LGR6: variants seen among roughly 807,000 people sequenced by gnomAD.
LGR6 encodes the protein leucine rich repeat containing G protein-coupled receptor 6, also known as leucine-rich repeat-containing G protein-coupled receptor 6.
In LGR6, 45 loss-of-function variants were observed where a neutral mutation model predicts 69.4. The ratio of observed to expected loss-of-function variants is 0.65; its 90% CI spans 0.51 to 0.83. The LOEUF is 0.83. Ranked by LOEUF, LGR6 falls within the 40% of genes least tolerant of loss-of-function variation. LGR6 has a pLI of 0.00. For missense variants in LGR6, 1,108 were observed against 1,246.7 expected, an observed-to-expected ratio of 0.89 and a Z score of 1.68; for synonymous variants, 538 against 555.0, an observed-to-expected ratio of 0.97 and a Z score of 0.43.
rs1304847142 is a variant in LGR6 at position 202,312,943 on chromosome 1, G to A, written c.1568-1859G>A. ...CAAAAGTGAATAAGAAAAAAAAAGTGTAAGGCCGGGCACGGTGGCTCACGC... is the reference window on the plus strand; with the variant it reads ...CAAAAGTGAATAAGAAAAAAAAAGTATAAGGCCGGGCACGGTGGCTCACGC... On this transcript the variant is annotated intron_variant, in intron 16 of 17. Coordinates refer to ENST00000367278, the MANE Select transcript of LGR6 (RefSeq NM_001017403.2). Among the ~76,000 whole-genome samples the A allele has an allele frequency of 3.3e-5, 5 of 152,176 alleles. No homozygotes were observed. In the East Asian group the frequency reaches 9.7e-4, roughly 29 times the overall value.
chr1:202,295,201 G>A (rs1667063491), intron 6 of LGR6, among the ~76,000 whole-genome samples: 1 of 151,732 alleles, frequency 6.6e-6, no homozygotes, highest in African/African-American at 2.4e-5. Flanking sequence ...GGTGGCACAC[G>A]CCTGTAATCC....
At chr1:202,252,826 G>A (rs1436165393) in intron 4 of LGR6, among the ~76,000 whole-genome samples, 1 of 152,214 alleles carries the variant, frequency 6.6e-6, no homozygotes, top group East Asian at 1.9e-4. Context: ...TCCTGAATCT[G>A]ACTGTGTCCA....
chr1:202,300,012 A>T (rs1221309423), intron 7 of LGR6, among the ~76,000 whole-genome samples: 1 of 152,096 alleles, frequency 6.6e-6, no homozygotes, highest in East Asian at 1.9e-4. Flanking sequence ...TCAGCGGCCC[A>T]TTCCGCACCT....
At chr1:202,202,120 G>A (rs1305974145) in intron 1 of LGR6, among the ~76,000 whole-genome samples, 5 of 152,136 alleles carry the variant, frequency 3.3e-5, no homozygotes, top group African/African-American at 1.2e-4. Context: ...CTGAAGACCA[G>A]AAGGACTTAA....
chr1:202,307,201 C>T (rs1653301729), intron 13 of LGR6, 129 bp from the exon 14 acceptor site: 3 of 900,456 alleles, frequency 3.3e-6, no homozygotes, highest in East Asian at 2.6e-5. Context: ...CAGGTACCTT[C>T]CCCAAAAGGC....
intron 6 of LGR6, among the ~76,000 whole-genome samples, chr1:202,285,090 T>G (rs1666299047): frequency 6.6e-6 from 1 of 152,244 alleles, no homozygotes; most frequent in Admixed American, 6.5e-5. Context: ...TATTGAATTC[T>G]GCCTTATAAT....
At chr1:202,194,701 G>T in intron 1 of LGR6, 2 of 207,622 alleles carry the variant, frequency 9.6e-6, no homozygotes, top group Non-Finnish European at 9.7e-6. Context: ...GGCCTTCGTG[G>T]GGGCGGGGGG....
intron 3 of LGR6, among the ~76,000 whole-genome samples, chr1:202,233,960 C>A (rs1200686235): frequency 1.3e-5 from 2 of 152,202 alleles, no homozygotes; most frequent in African/African-American, 4.8e-5. Context: ...TCAGGGCTGT[C>A]TGACTTCAGA....
rs1040783145 is a variant in LGR6 at position 202,271,785 on chromosome 1, G to A, written c.429-4521G>A. On this transcript the variant is annotated intron_variant, in intron 4 of 17. Coordinates refer to ENST00000367278, the MANE Select transcript of LGR6 (RefSeq NM_001017403.2). ...ATTGCACCATGGCACTCCAGCCTGG[G>A]CAATAAGAGTGAAACTCTGTCTCAA... Among the ~76,000 whole-genome samples, 16 of 136,454 alleles carry A rather than the reference G, an allele frequency of 1.2e-4. No homozygotes were observed. The Admixed American group carries it at 1.2e-3, about 11-fold the overall frequency. The allele number at this position is 136,454 out of a possible 152,430, so 89.5% of individuals were successfully genotyped here. A position where few individuals can be genotyped will look rare whatever the true frequency, so the allele number is the denominator to read the frequency against.
chr1:202,203,003 A>T (rs1269376267), intron 1 of LGR6, among the ~76,000 whole-genome samples: 1 of 152,054 alleles, frequency 6.6e-6, no homozygotes, highest in African/African-American at 2.4e-5. Flanking sequence ...GGACTCATGG[A>T]GGGGGAGGAG....
chr1:202,220,481 A>C (rs1571831950), intron 1 of LGR6, among the ~76,000 whole-genome samples: 1 of 150,680 alleles, frequency 6.6e-6, no homozygotes, highest in East Asian at 2.0e-4. Flanking sequence ...AGCCTCCCAA[A>C]GTGCTGGGAT....
intron 11 of LGR6, among the ~76,000 whole-genome samples, chr1:202,305,119 G>A (rs1013985348): frequency 9.9e-5 from 15 of 152,204 alleles, no homozygotes; most frequent in African/African-American, 2.9e-4. Context: ...GTGGACCAAC[G>A]CATAGTGTGT....
At chr1:202,242,674 TGAG>T (rs1162126020) in intron 4 of LGR6, among the ~76,000 whole-genome samples, 2 of 152,180 alleles carry the variant, frequency 1.3e-5, no homozygotes, top group African/African-American at 4.8e-5. Flanking sequence ...TGAGTTGAGA[TGAG>T]GAGGAAAGAC....
intron 1 of LGR6, among the ~76,000 whole-genome samples, chr1:202,216,134 C>T (rs1441215387): frequency 6.6e-6 from 1 of 152,190 alleles, no homozygotes; most frequent in Non-Finnish European, 1.5e-5. Flanking sequence ...GTTGAATAGA[C>T]AAATGGCTGC....
chr1:202,222,961 C>T (rs573524647), intron 1 of LGR6, among the ~76,000 whole-genome samples: 174 of 152,106 alleles, frequency 1.1e-3, no homozygotes, highest in Non-Finnish European at 1.8e-3. Context: ...AATAGCCAGG[C>T]GTGGTGGCAG....
chr1:202,276,202 G>A, intron 4 of LGR6, 104 bp from the exon 5 acceptor site: 1 of 840,190 alleles, frequency 1.2e-6, no homozygotes, highest in Admixed American at 2.3e-5. Context: ...TAGTCCCAGG[G>A]AGCCTCAAAG....
At chr1:202,264,024 C>T (rs1008657076) in intron 4 of LGR6, among the ~76,000 whole-genome samples, 16 of 151,780 alleles carry the variant, frequency 1.1e-4, no homozygotes, top group African/African-American at 3.4e-4. Flanking sequence ...AGTGGATGGA[C>T]GGATGGATGA....
intron 15 of LGR6, among the ~76,000 whole-genome samples, chr1:202,309,971 C>G (rs550890437): frequency 6.6e-6 from 1 of 152,272 alleles, no homozygotes; most frequent in Admixed American, 6.5e-5. Flanking sequence ...CCAAGATGAA[C>G]AAAGAAAGAC....
chr1:202,253,388 C>T (rs996855473), intron 4 of LGR6, among the ~76,000 whole-genome samples: 1 of 151,826 alleles, frequency 6.6e-6, no homozygotes, highest in Non-Finnish European at 1.5e-5. Context: ...CTGCAATCTC[C>T]GCCTCCTGGG....
Sources: gnomAD v4.1 joint callset for allele counts (sites outside exome capture counted in the v4.1 genomes callset) on GRCh38, gnomAD v4.1.1 for gene constraint, MANE v1.5 for transcripts, NCBI Gene and HGNC (gene_info 2026-07-23, HGNC 2026-07-21) for gene names.